The following EPHB1 variants were observed in gnomAD, a reference collection of about 807,000 sequenced individuals.
The protein encoded by EPHB1 is ephrin type-B receptor 1.
A neutral mutation model predicts 94.4 loss-of-function variants in EPHB1; 30 were observed. That is an observed-to-expected ratio of 0.32 (90% CI 0.24 to 0.43). The LOEUF (loss-of-function observed/expected upper bound fraction) is 0.43, where lower values mean the gene tolerates loss of function less well. Ranked by LOEUF, EPHB1 falls within the 20% of genes least tolerant of loss-of-function variation. The pLI is 1.00. For synonymous variants in EPHB1, 522 were observed against 489.1 expected (o/e 1.07, Z -0.89); for missense variants, 1,055 against 1,308.3 (o/e 0.81, Z 2.99).
chr3:135,052,955 ATG>A lies in EPHB1; in HGVS notation c.806-53487_806-53486del, dbSNP rs1406501751. Among the ~76,000 whole-genome samples, 483 of 110,580 alleles carry A rather than the reference ATG, an allele frequency of 4.4e-3. 6 individuals carry two copies. The highest frequency in any genetic ancestry group is 7.1e-3 in the Non-Finnish European group (419 of 59,218). 72.5% of individuals were successfully genotyped at this position (110,580 alleles called of 152,430 possible). A position where few individuals can be genotyped will look rare whatever the true frequency, so the allele number is the denominator to read the frequency against. ...TGTATATATGTGTGTATATATATAT[ATG>A]TGTGTATATATATGTGTATATATAT... is the stretch of plus-strand genomic sequence containing the variant. On this transcript the variant is annotated intron_variant, in intron 3 of 15. Transcript: ENST00000398015.
At chr3:134,875,931 C>T (rs2037607683) in intron 1 of EPHB1, among the ~76,000 whole-genome samples, 1 of 152,170 alleles carries the variant, frequency 6.6e-6, no homozygotes, top group African/African-American at 2.4e-5. Context: ...CCAGAGGGAG[C>T]TTTCTAAACT....
intron 12 of EPHB1, among the ~76,000 whole-genome samples, chr3:135,230,452 C>T (rs1386862283): frequency 6.6e-6 from 1 of 152,140 alleles, no homozygotes; most frequent in Non-Finnish European, 1.5e-5. Flanking sequence ...AGTCCAGTTG[C>T]TCTTTCTCCA....
At chr3:134,807,106 G>A (rs1037528229) in intron 1 of EPHB1, among the ~76,000 whole-genome samples, 1 of 152,168 alleles carries the variant, frequency 6.6e-6, no homozygotes, top group Non-Finnish European at 1.5e-5. Context: ...CCCATCTCTG[G>A]GGTGTCCAGG....
chr3:135,021,379 T>A (rs1935982981), intron 3 of EPHB1, among the ~76,000 whole-genome samples: 1 of 152,108 alleles, frequency 6.6e-6, no homozygotes, highest in Non-Finnish European at 1.5e-5. Flanking sequence ...TGTTTTTAAT[T>A]TTTTCTATTT....
chr3:135,007,308 G>T (rs1367023844), intron 3 of EPHB1, among the ~76,000 whole-genome samples: 1 of 152,112 alleles, frequency 6.6e-6, no homozygotes, highest in Non-Finnish European at 1.5e-5. Context: ...CTGATTGTTG[G>T]AAAGATTGTT....
intron 3 of EPHB1, among the ~76,000 whole-genome samples, chr3:135,041,375 G>A (rs1936838285): frequency 6.6e-6 from 1 of 152,158 alleles, no homozygotes; most frequent in African/African-American, 2.4e-5. Context: ...GTGGAAATGT[G>A]AGCTGTGATG....
intron 3 of EPHB1, among the ~76,000 whole-genome samples, chr3:134,993,195 T>C (rs1388061838): frequency 1.3e-5 from 2 of 152,202 alleles, no homozygotes; most frequent in African/African-American, 4.8e-5. Context: ...GCACAGGCAG[T>C]TGGCTGCCCT....
chr3:135,145,588 T>C (rs1157797337), intron 5 of EPHB1, among the ~76,000 whole-genome samples: 2 of 152,232 alleles, frequency 1.3e-5, no homozygotes, highest in Non-Finnish European at 2.9e-5. Context: ...GGGAGAACTT[T>C]GTTTGGAGAA....
At chr3:135,114,180 C>T (rs558691577) in intron 4 of EPHB1, among the ~76,000 whole-genome samples, 2 of 152,256 alleles carry the variant, frequency 1.3e-5, no homozygotes, top group South Asian at 2.1e-4. Context: ...TGCACTTTCA[C>T]GTACAGATCA....
chr3:135,085,207 G>C (rs1576371468), intron 3 of EPHB1, among the ~76,000 whole-genome samples: 1 of 152,192 alleles, frequency 6.6e-6, no homozygotes, highest in East Asian at 1.9e-4. Flanking sequence ...GGCTGAGTTA[G>C]TTGATTAACA....
intron 3 of EPHB1, among the ~76,000 whole-genome samples, chr3:135,082,787 C>T (rs954951867): frequency 6.6e-5 from 10 of 152,218 alleles, no homozygotes; most frequent in African/African-American, 2.4e-4. Context: ...TGTCTAGTCC[C>T]AAGCTTCCGC....
In EPHB1 at chr3:134,951,970, C is replaced by T. The variant is rs544824231; in HGVS notation, c.723C>T (p.Asn241=). ...ACGTGCCCATCAAACTCTACTGCAA[C>T]GGGGATGGGGAATGGATGGTGCCTA... ...EVDVPIKLYC[N]GDGEWMVPIG... is the part of the protein sequence containing the mutation. The change falls in exon 3 of 16, where the codon AAC becomes AAT. Residue 241 remains asparagine (N), a synonymous_variant. Coordinates refer to ENST00000398015, the MANE Select transcript of EPHB1 (RefSeq NM_004441.5). This position sits in a 1 kb window ranked among gnomAD's most constrained non-coding sequence, Gnocchi z 4.5. 86 of 1,613,986 alleles carry T rather than the reference C, an allele frequency of 5.3e-5. No homozygotes were observed. The highest frequency in any genetic ancestry group is 3.3e-4 in the East Asian group (15 of 44,868).
chr3:134,870,825 G>A (rs1273844472), intron 1 of EPHB1, among the ~76,000 whole-genome samples: 1 of 152,218 alleles, frequency 6.6e-6, no homozygotes, highest in Non-Finnish European at 1.5e-5. Flanking sequence ...CTCCCTCTTA[G>A]CCATGTCTGC....
chr3:135,234,417 G>A (rs774044393), intron 12 of EPHB1, among the ~76,000 whole-genome samples: 1 of 152,132 alleles, frequency 6.6e-6, no homozygotes, highest in Non-Finnish European at 1.5e-5. Context: ...AAGTCTCTAG[G>A]AAGTTCCAAA....
intron 5 of EPHB1, among the ~76,000 whole-genome samples, chr3:135,141,503 T>G (rs1940827946): frequency 6.6e-6 from 1 of 152,072 alleles, no homozygotes; most frequent in African/African-American, 2.4e-5. Context: ...TGCTGCCTCC[T>G]AAACCAGCGG....
chr3:134,854,122 G>A (rs2037053962), intron 1 of EPHB1, among the ~76,000 whole-genome samples: 1 of 152,192 alleles, frequency 6.6e-6, no homozygotes, highest in South Asian at 2.1e-4. Flanking sequence ...CTAGGTTGAA[G>A]CTCCAGGCAT....
intron 4 of EPHB1, among the ~76,000 whole-genome samples, chr3:135,128,662 A>G (rs1423518154): frequency 6.6e-6 from 1 of 152,040 alleles, no homozygotes; most frequent in Non-Finnish European, 1.5e-5. Flanking sequence ...AAATAATTTC[A>G]TTTATTTCTC....
intron 3 of EPHB1, among the ~76,000 whole-genome samples, chr3:134,961,025 G>A (rs1933497415): frequency 6.6e-6 from 1 of 152,108 alleles, no homozygotes; most frequent in African/African-American, 2.4e-5. Flanking sequence ...AGCAGTTATG[G>A]CCTTCTCCTT....
At chr3:135,030,879 C>A (rs866970231) in intron 3 of EPHB1, among the ~76,000 whole-genome samples, 1 of 152,210 alleles carries the variant, frequency 6.6e-6, no homozygotes, top group Non-Finnish European at 1.5e-5. Flanking sequence ...CAGCGAGACT[C>A]CTTGGAGTAG....
Sources: allele counts gnomAD v4.1 joint callset (sites outside exome capture counted in the v4.1 genomes callset), GRCh38; gene constraint gnomAD v4.1.1; non-coding constraint Gnocchi (gnomAD v3.1); transcripts MANE v1.5; gene names NCBI Gene and HGNC (gene_info 2026-07-23, HGNC 2026-07-21).